HTR2A: variants seen among roughly 807,000 people sequenced by gnomAD.
HTR2A encodes the protein 5-hydroxytryptamine receptor 2A.
In HTR2A, 14 loss-of-function variants were observed where a neutral mutation model predicts 31.0. The ratio of observed to expected loss-of-function variants is 0.45; its 90% confidence interval spans 0.30 to 0.71. The LOEUF (loss-of-function observed/expected upper bound fraction) is 0.71. HTR2A is among the 30% of genes least tolerant of loss of function. The probability of loss-of-function intolerance (pLI) is 0.09; values close to 1 mark genes in which losing one functional copy is unlikely to be tolerated. For missense variants in HTR2A, 442 were observed against 573.3 expected, an observed-to-expected ratio of 0.77 and a Z score of 2.34; for synonymous variants, 209 against 225.2, an observed-to-expected ratio of 0.93 and a Z score of 0.64.
rs368412353 is a variant in HTR2A, at chr13:46,880,217, G to A, written c.613+12173C>T. 3.9e-5 allele frequency among the ~76,000 whole-genome samples: 6 copies of A among 152,228 alleles called. No individual in the cohort carries two copies. The South Asian group carries it at 1.2e-3, about 32-fold the overall frequency. ...TTTGGTTAGGCCAATGAAGGAGTAG[G>A]ATACTAGGACACAGAGGATGCTGGT... On this transcript the variant is annotated intron_variant, in intron 3 of 3. Transcript: ENST00000542664.
Position 46,832,425 on chromosome 13 carries a change from A to G in HTR2A, c.*2412T>C, listed in dbSNP as rs757159451. 6.6e-6 allele frequency: 1 copy of G among 152,218 alleles called. No individual in the cohort carries two copies. The highest frequency in any genetic ancestry group is 2.4e-5 in the African/African-American group (1 of 41,466). 9.4% of individuals were successfully genotyped at this position (152,218 alleles called of 1,614,324 possible). On this transcript the variant is annotated 3_prime_UTR_variant, in exon 4 of 4. Transcript: ENST00000542664. ...ATACACTTGAATAGATACTTATGGA[A>G]GAAAAAAACACATACACATTTGTAA...
chr13:46,894,884 A>G (rs1264219062), intron 2 of HTR2A, among the ~76,000 whole-genome samples: 1 of 152,220 alleles, frequency 6.6e-6, no homozygotes, highest in Admixed American at 6.5e-5. Context: ...TATAATTCAA[A>G]GGCACATTTC....
chr13:46,893,105 TC>T (rs1312398160), intron 2 of HTR2A, among the ~76,000 whole-genome samples: 1 of 152,184 alleles, frequency 6.6e-6, no homozygotes, highest in African/African-American at 2.4e-5. Context: ...GACTAAAAAT[TC>T]AGATTGTGAA....
At position 46,875,393 on chromosome 13, in the gene HTR2A, T is replaced by C. The variant is rs528162491; in HGVS notation, c.613+16997A>G. 3.5e-4 allele frequency among the ~76,000 whole-genome samples: 54 copies of C among 152,330 alleles called. No homozygotes were observed. The South Asian group carries it at 5.0e-3, about 14-fold the overall frequency. ...ATGATTGTTACCCTAAAGGTTCTTATTGACACAGGCTAATATAAATTGAGC... is the reference window on the plus strand; with the variant it reads ...ATGATTGTTACCCTAAAGGTTCTTACTGACACAGGCTAATATAAATTGAGC... On this transcript the variant is annotated intron_variant, in intron 3 of 3. Coordinates refer to ENST00000542664, the MANE Select transcript of HTR2A (RefSeq NM_000621.5).
chr13:46,838,084 G>A lies in HTR2A; in HGVS notation c.614-2445C>T, dbSNP rs542804227. Among the ~76,000 whole-genome samples, 138 of 152,258 alleles carry A rather than the reference G, an allele frequency of 9.1e-4. 1 individual carries two copies. Among genetic ancestry groups the A allele is most frequent in the Non-Finnish European group, 1.3e-3 (86 of 68,020 alleles). On this transcript the variant is annotated intron_variant, in intron 3 of 3. Coordinates refer to ENST00000542664, the MANE Select transcript of HTR2A (RefSeq NM_000621.5). ...TATTGACCAGTTTTGCTTATCCTTC[G>A]GAAAACTCTTGATTGTAAAAGTAAG...
At chr13:46,849,698 C>T (rs1950667737) in intron 3 of HTR2A, among the ~76,000 whole-genome samples, 1 of 152,162 alleles carries the variant, frequency 6.6e-6, no homozygotes, top group African/African-American at 2.4e-5. Flanking sequence ...ATGTAAATGC[C>T]CTCTCCCCAG....
At chr13:46,863,074 T>C (rs1283137660) in intron 3 of HTR2A, among the ~76,000 whole-genome samples, 1 of 152,228 alleles carries the variant, frequency 6.6e-6, no homozygotes, top group African/African-American at 2.4e-5. Context: ...TGAAATAAAC[T>C]GCAATTGTGA....
chr13:46,846,563 G>A (rs1950644341), intron 3 of HTR2A, among the ~76,000 whole-genome samples: 1 of 152,200 alleles, frequency 6.6e-6, no homozygotes, highest in African/African-American at 2.4e-5. Flanking sequence ...GAGCAAGAAT[G>A]TTTCCCAGAA....
intron 3 of HTR2A, among the ~76,000 whole-genome samples, chr13:46,850,611 C>G (rs942982516): frequency 6.6e-6 from 1 of 152,200 alleles, no homozygotes; most frequent in African/African-American, 2.4e-5. Flanking sequence ...TGCTTCATTG[C>G]TGCTCAAGGC....
At chr13:46,881,056 ACTT>A in intron 3 of HTR2A, among the ~76,000 whole-genome samples, 1 of 152,152 alleles carries the variant, frequency 6.6e-6, no homozygotes, top group East Asian at 1.9e-4. Flanking sequence ...TCATTAAATG[ACTT>A]CTTATCCATG....
At position 46,847,681 on chromosome 13, in the gene HTR2A, C is replaced by T. The variant is rs372829790; in HGVS notation, c.614-12042G>A. ...ATGGACTTCTCATCTTGGCCTTGCT[C>T]TTGTGGTCACTGTTCTCGTCCTGAT... On this transcript the variant is annotated intron_variant, in intron 3 of 3. Coordinates refer to ENST00000542664, the MANE Select transcript of HTR2A (RefSeq NM_000621.5). 3.3e-5 allele frequency among the ~76,000 whole-genome samples: 5 copies of T among 152,290 alleles called. No homozygotes were observed. The East Asian group carries it at 7.7e-4, about 24-fold the overall frequency.
rs1805055 is a variant in HTR2A at position 46,895,833 on chromosome 13, G to C, written c.74C>G (p.Thr25Ser). 23 of 1,613,980 alleles carry C rather than the reference G, an allele frequency of 1.4e-5. No individual in the cohort carries two copies. In the South Asian group the frequency reaches 2.4e-4, roughly 17 times the overall value. Residue 25 changes from threonine to serine, a missense_variant, in exon 2 of 4, where the codon ACC becomes AGC. Physicochemically the swap from Thr to Ser is moderately conservative, Grantham distance 58. This residue lies in a region of HTR2A where 83 missense variants were observed against 84.8 expected (regional missense o/e 0.98). Coordinates refer to ENST00000542664, the MANE Select transcript of HTR2A (RefSeq NM_000621.5). This position sits in a 1 kb window ranked among gnomAD's most constrained non-coding sequence, Gnocchi z 4.4. ...GTTAAAGTCATTACTGTAGAGCCTG[G>C]TGTCATCATTTAATTGCATTAGGGA... Reference protein sequence around the residue: ...TNSLMQLNDDTRLYSNDFNSG... With the variant: ...TNSLMQLNDDSRLYSNDFNSG...
intron 3 of HTR2A, among the ~76,000 whole-genome samples, chr13:46,889,840 CCTT>C (rs1217908366): frequency 4.6e-5 from 7 of 152,122 alleles, no homozygotes; most frequent in Non-Finnish European, 7.4e-5. Flanking sequence ...CTCTGTAGGT[CCTT>C]CATTAGATCT....
In HTR2A at chr13:46,896,987, T is replaced by C; in HGVS notation, c.-642A>G. 1 of 640,972 alleles carries C rather than the reference T, an allele frequency of 1.6e-6. No individual in the cohort carries two copies. The highest frequency in any genetic ancestry group is 1.9e-5 in the South Asian group (1 of 51,858). 39.7% of individuals were successfully genotyped at this position (640,972 alleles called of 1,614,324 possible). On this transcript the variant is annotated 5_prime_UTR_variant, in exon 1 of 4. An upstream start codon of the reference 5' UTR is lost. Coordinates refer to ENST00000542664, the MANE Select transcript of HTR2A (RefSeq NM_000621.5). Reference sequence around the variant, plus strand: ...CTCAAAGTCGCACAAAAGAACTGCATGGGAAAGTAGGAAGAGCTGTCTGCA... The same window carrying C: ...CTCAAAGTCGCACAAAAGAACTGCACGGGAAAGTAGGAAGAGCTGTCTGCA...
At chr13:46,880,956 T>C (rs1290533939) in intron 3 of HTR2A, among the ~76,000 whole-genome samples, 2 of 152,226 alleles carry the variant, frequency 1.3e-5, no homozygotes, top group Non-Finnish European at 2.9e-5. Context: ...AAGTGCTGTT[T>C]TATTGAGCAT....
At chr13:46,867,330 G>A (rs1292426592) in intron 3 of HTR2A, among the ~76,000 whole-genome samples, 3 of 152,148 alleles carry the variant, frequency 2.0e-5, no homozygotes, top group African/African-American at 4.8e-5. Context: ...AAAGGCTGAC[G>A]CTGACTGATT....
chr13:46,892,602 A>G lies in HTR2A; in HGVS notation c.413-12T>C. On this transcript the variant is annotated splice_polypyrimidine_tract_variant and intron_variant, in intron 2 of 3. Coordinates refer to ENST00000542664, the MANE Select transcript of HTR2A (RefSeq NM_000621.5). ...AGGCCACCGGTACCCTATGAGGCAG[A>G]AGGTTGGTGTCAGTGAGCAACCCTG... The G allele has an allele frequency of 6.2e-7, 1 of 1,613,566 alleles. No homozygotes were observed. The highest frequency in any genetic ancestry group is 8.5e-7 in the Non-Finnish European group (1 of 1,179,698).
intron 3 of HTR2A, among the ~76,000 whole-genome samples, chr13:46,852,453 G>A (rs1413657992): frequency 2.6e-5 from 4 of 152,228 alleles, no homozygotes; most frequent in East Asian, 1.9e-4. Context: ...TTCCCACTGC[G>A]GTAACAGCCT....
chr13:46,852,655 G>C (rs1181589984), intron 3 of HTR2A, among the ~76,000 whole-genome samples: 1 of 152,238 alleles, frequency 6.6e-6, no homozygotes, highest in Non-Finnish European at 1.5e-5. Flanking sequence ...TTAAAATGCA[G>C]TTCACGGCTG....
Sources: gnomAD v4.1 joint callset for allele counts (sites outside exome capture counted in the v4.1 genomes callset) on GRCh38, gnomAD v4.1.1 for gene constraint, gnomAD v4.1.1 regional missense constraint, Gnocchi (gnomAD v3.1) non-coding constraint, MANE v1.5 for transcripts, NCBI Gene and HGNC (gene_info 2026-07-23, HGNC 2026-07-21) for gene names.